The following ZNF713 variants were observed in gnomAD, a reference collection of about 807,000 sequenced individuals.
ZNF713 encodes zinc finger protein 713.
In ZNF713, 21 loss-of-function variants were observed where a neutral mutation model predicts 28.7. That is an observed-to-expected ratio of 0.73 (90% confidence interval 0.52 to 1.05). The LOEUF is 1.05. ZNF713 is among the 50% of genes least tolerant of loss of function. ZNF713 has a pLI of 0.00. For synonymous variants in ZNF713, 167 were observed against 178.0 expected, an observed-to-expected ratio of 0.94 and a Z score of 0.49; for missense variants, 458 against 532.4, an observed-to-expected ratio of 0.86 and a Z score of 1.37.
intron 1 of ZNF713, among the ~76,000 whole-genome samples, chr7:55,901,039 A>G (rs1386335209): frequency 6.6e-6 from 1 of 152,244 alleles, no homozygotes; most frequent in African/African-American, 2.4e-5. Context: ...CAAATAATTT[A>G]AAAGTATGTG....
At chr7:55,922,683 A>G (rs911542304) in intron 4 of ZNF713, among the ~76,000 whole-genome samples, 4 of 152,118 alleles carry the variant, frequency 2.6e-5, no homozygotes, top group African/African-American at 7.2e-5. Context: ...GATCATTACC[A>G]TTTTTTAGCA....
In ZNF713 at chr7:55,939,275, C is replaced by T. The variant is rs745778390; in HGVS notation, c.601C>T (p.Pro201Ser). The T allele has an allele frequency of 3.1e-6, 5 of 1,613,906 alleles. No individual in the cohort carries two copies. The highest frequency in any genetic ancestry group is 3.3e-5 in the Admixed American group (2 of 59,984). The change falls in exon 7 of 7, where the codon CCT becomes TCT. Residue 201 changes from proline to serine, a missense_variant. Pro to Ser is a moderately conservative substitution (Grantham distance 74). Coordinates refer to ENST00000429591, the MANE Select transcript of ZNF713 (RefSeq NM_182633.3). ...LNSNLMQQRIPSIKIPLNSDT... is the reference protein window; with the variant it reads ...LNSNLMQQRISSIKIPLNSDT... ...CTCAAACCTTATGCAGCAGAGAATT[C>T]CTTCCATTAAAATACCCCTGAATTC...
intron 5 of ZNF713, 25 bp downstream of exon 5, chr7:55,923,313 C>T (rs201867289): frequency 8.6e-5 from 136 of 1,589,858 alleles, no homozygotes; most frequent in African/African-American, 8.3e-4. Flanking sequence ...CCTGTGAAAC[C>T]GGAAGCCGTT....
intron 1 of ZNF713, among the ~76,000 whole-genome samples, chr7:55,900,068 A>C (rs1785545181): frequency 1.3e-5 from 2 of 152,156 alleles, no homozygotes; most frequent in South Asian, 4.1e-4. Flanking sequence ...AAAGGAATTG[A>C]AATGGGTATG....
Position 55,911,939 on chromosome 7 carries a change from A to G in ZNF713, c.-132A>G, listed in dbSNP as rs1266323533. The G allele has an allele frequency of 1.3e-5, 2 of 152,174 alleles. No individual in the cohort carries two copies. Among genetic ancestry groups the G allele is most frequent in the African/African-American group, 4.8e-5 (2 of 41,422 alleles). 9.4% of individuals were successfully genotyped at this position (152,174 alleles called of 1,614,324 possible). A position where few individuals can be genotyped will look rare whatever the true frequency, so the allele number is the denominator to read the frequency against. Reference sequence around the variant, plus strand: ...TTTCAAGAGCAGCCCCAGCTCCTTAAGCTGCTGGTCCTGGTGCATCTGCTG... The same window carrying G: ...TTTCAAGAGCAGCCCCAGCTCCTTAGGCTGCTGGTCCTGGTGCATCTGCTG... On this transcript the variant is annotated 5_prime_UTR_variant, in exon 3 of 7. Coordinates refer to ENST00000429591, the MANE Select transcript of ZNF713 (RefSeq NM_182633.3).
intron 1 of ZNF713, among the ~76,000 whole-genome samples, chr7:55,899,429 C>G: frequency 2.4e-4 from 1 of 4,244 alleles, no homozygotes; most frequent in African/African-American, 9.7e-4. Context: ...CTTTGGGAGG[C>G]CGAGGGGGGG....
intron 4 of ZNF713, chr7:55,918,163 A>T (rs983054216): frequency 2.2e-6 from 1 of 456,148 alleles, no homozygotes; most frequent in African/African-American, 2.0e-5. Context: ...TTCTGTTGGG[A>T]TGCTTACTCT....
intron 5 of ZNF713, 30 bp downstream of exon 5, chr7:55,923,318 G>A (rs753662047): frequency 1.3e-6 from 2 of 1,589,740 alleles, no homozygotes; most frequent in Non-Finnish European, 1.7e-6. Context: ...GAAACCGGAA[G>A]CCGTTCACGT....
intron 6 of ZNF713, among the ~76,000 whole-genome samples, chr7:55,934,473 T>C (rs1353907869): frequency 6.6e-6 from 1 of 152,156 alleles, no homozygotes; most frequent in Non-Finnish European, 1.5e-5. Flanking sequence ...GTATGGGGAA[T>C]GGTGTGGGTG....
chr7:55,935,676 A>G (rs2116269571), intron 6 of ZNF713, among the ~76,000 whole-genome samples: 1 of 152,254 alleles, frequency 6.6e-6, no homozygotes, highest in South Asian at 2.1e-4. Context: ...TCTAACGGCC[A>G]GGCGCGGTGG....
chr7:55,890,882 G>T (rs1041546657), intron 1 of ZNF713, among the ~76,000 whole-genome samples: 2 of 151,724 alleles, frequency 1.3e-5, no homozygotes, highest in African/African-American at 4.8e-5. Context: ...GCTGGGCGTG[G>T]TGGCACGTGC....
At chr7:55,916,801 TTAAA>T (rs1367818458) in intron 4 of ZNF713, among the ~76,000 whole-genome samples, 1 of 152,192 alleles carries the variant, frequency 6.6e-6, no homozygotes, top group Admixed American at 6.5e-5. Flanking sequence ...GATCAAATAT[TTAAA>T]TATGAAAAAT....
intron 6 of ZNF713, among the ~76,000 whole-genome samples, chr7:55,927,343 T>C (rs1786115998): frequency 6.6e-6 from 1 of 151,782 alleles, no homozygotes; most frequent in Non-Finnish European, 1.5e-5. Flanking sequence ...CTGGGCAACA[T>C]AGTGAGACCC....
At chr7:55,902,985 C>T (rs1405246686) in intron 1 of ZNF713, among the ~76,000 whole-genome samples, 1 of 87,150 alleles carries the variant, frequency 1.1e-5, no homozygotes, top group African/African-American at 4.9e-5. Flanking sequence ...AAGAGCAAAA[C>T]TCCGTCTCAA....
intron 1 of ZNF713, among the ~76,000 whole-genome samples, chr7:55,890,105 T>C (rs1035362469): frequency 1.3e-4 from 20 of 152,164 alleles, no homozygotes; most frequent in African/African-American, 4.8e-4. Context: ...CTTCTTCTTA[T>C]GAGGACACTA....
chr7:55,918,065 A>G lies in ZNF713; in HGVS notation c.88-5097A>G, dbSNP rs746107517. The G allele has an allele frequency of 1.5e-5, 7 of 456,228 alleles. No homozygotes were observed. The East Asian group carries it at 4.2e-4, about 27-fold the overall frequency. 28.3% of individuals were successfully genotyped at this position (456,228 alleles called of 1,614,324 possible). A position where few individuals can be genotyped will look rare whatever the true frequency, so the allele number is the denominator to read the frequency against. On this transcript the variant is annotated intron_variant, in intron 4 of 6. Transcript: ENST00000429591. ...AGATGTGGAGATCTGTGTGCTCTCCATTGGATCTCGGCAAGGCTGTGACTG... is the reference window on the plus strand; with the variant it reads ...AGATGTGGAGATCTGTGTGCTCTCCGTTGGATCTCGGCAAGGCTGTGACTG...
At chr7:55,914,479 G>C (rs1171612054) in intron 4 of ZNF713, among the ~76,000 whole-genome samples, 2 of 152,172 alleles carry the variant, frequency 1.3e-5, no homozygotes, top group Non-Finnish European at 2.9e-5. Flanking sequence ...GCAGGTGTGA[G>C]CCACCACACA....
chr7:55,939,904 T>C lies in ZNF713; in HGVS notation c.1230T>C (p.Ser410=), dbSNP rs748482721. The change falls in exon 7 of 7, where the codon AGT becomes AGC. Residue 410 remains serine (S), a synonymous_variant. Coordinates refer to ENST00000429591, the MANE Select transcript of ZNF713 (RefSeq NM_182633.3). ...CNECGKAFSQ[S]AHLNQHRKIH... is the part of the protein sequence containing the mutation. ...AATGCGGGAAAGCCTTTAGCCAGAG[T>C]GCACACCTTAATCAACACAGGAAAA... 2.5e-6 allele frequency: 4 copies of C among 1,613,966 alleles called. No individual in the cohort carries two copies. In the South Asian group the frequency reaches 3.3e-5, roughly 13 times the overall value.
rs775590494 is a variant in ZNF713, at chr7:55,923,242, C to CT, written c.169dup (p.Tyr57LeufsTer21). ...AGCTGTACCCTGCCCAAAAGAACCTCTATCGAGACGTGATGCTGGAGAACT... is the reference window on the plus strand; with the variant it reads ...AGCTGTACCCTGCCCAAAAGAACCTCTTATCGAGACGTGATGCTGGAGAACT... On this transcript the variant is annotated frameshift_variant, in exon 5 of 7. Coordinates refer to ENST00000429591, the MANE Select transcript of ZNF713 (RefSeq NM_182633.3). LOFTEE classifies it high-confidence loss of function. 3 of 1,613,852 alleles carry CT rather than the reference C, an allele frequency of 1.9e-6. No homozygotes were observed. In the Admixed American group the frequency reaches 5.0e-5, roughly 27 times the overall value.
Sources: gnomAD v4.1 joint callset for allele counts (sites outside exome capture counted in the v4.1 genomes callset) on GRCh38, gnomAD v4.1.1 for gene constraint, MANE v1.5 for transcripts, NCBI Gene and HGNC (gene_info 2026-07-23, HGNC 2026-07-21) for gene names.